Variants in NLRP12 observed in about 807,000 individuals in gnomAD.
The protein encoded by NLRP12 is NACHT, LRR and PYD domains-containing protein 12.
In NLRP12, 108 loss-of-function variants were observed where a neutral mutation model predicts 91.2. The observed-to-expected ratio is 1.18, with a 90% CI of 1.01 to 1.39. The LOEUF (loss-of-function observed/expected upper bound fraction) is 1.39, where lower values mean the gene tolerates loss of function less well. Among genes scored for constraint, NLRP12 ranks in the 40% most tolerant of loss-of-function variants. The pLI is 0.00. For synonymous variants in NLRP12, 613 were observed against 566.7 expected (o/e 1.08, Z -1.16); for missense variants, 1,530 against 1,352.7 (o/e 1.13, Z -2.06).
At position 53,793,973 on chromosome 19, in the gene NLRP12, T is replaced by C; in HGVS notation, c.*76A>G. ...TGTCTCTAGGAAGGAGGCTGATCATTATGCTGGGGGGGTGATGAGCACCCT... is the reference window on the plus strand; with the variant it reads ...TGTCTCTAGGAAGGAGGCTGATCATCATGCTGGGGGGGTGATGAGCACCCT... On this transcript the variant is annotated 3_prime_UTR_variant, in exon 10 of 10. Coordinates refer to ENST00000324134, the MANE Select transcript of NLRP12 (RefSeq NM_144687.4). The C allele has an allele frequency of 1.0e-6, 1 of 994,894 alleles. No individual in the cohort carries two copies. Among genetic ancestry groups the C allele is most frequent in the South Asian group, 1.3e-5 (1 of 78,386 alleles). The allele number at this position is 994,894 out of a possible 1,614,324, so 61.6% of individuals were successfully genotyped here.
At chr19:53,818,027 C>G (rs1477020930) in intron 1 of NLRP12, among the ~76,000 whole-genome samples, 1 of 151,844 alleles carries the variant, frequency 6.6e-6, no homozygotes, top group South Asian at 2.1e-4. Flanking sequence ...AAGTGATTCA[C>G]GTGCCTCAGC....
rs1397073933 is a variant in NLRP12, at chr19:53,801,220, G to T, written c.2756+7C>A. On this transcript the variant is annotated splice_region_variant and intron_variant, in intron 7 of 9. Transcript: ENST00000324134. Reference sequence around the variant, plus strand: ...ACTCCTAGCGTGGTGAGCAAAACGGGACTCACCGCAGGGTCTGGAGCTTGC... The same window carrying T: ...ACTCCTAGCGTGGTGAGCAAAACGGTACTCACCGCAGGGTCTGGAGCTTGC... 5 of 1,613,586 alleles carry T rather than the reference G, an allele frequency of 3.1e-6. No individual in the cohort carries two copies. Among genetic ancestry groups the T allele is most frequent in the Non-Finnish European group, 4.2e-6 (5 of 1,179,680 alleles).
chr19:53,823,443 G>GTTTTAAATATATATATTTAAAATATATT (rs2092294352), intron 1 of NLRP12, among the ~76,000 whole-genome samples: 1 of 104,176 alleles, frequency 9.6e-6, no homozygotes, highest in African/African-American at 3.8e-5. Flanking sequence ...TAAAATATAT[G>GTTTTAAATATATATATTTAAAATATATT]TTTTAAATAT....
intron 8 of NLRP12, 191 bp from the exon 9 acceptor site, chr19:53,796,220 C>T (rs1269126675): frequency 1.2e-5 from 8 of 640,148 alleles, no homozygotes; most frequent in Admixed American, 1.1e-4. Context: ...GTGTGCACCA[C>T]CACCAATTAG....
chr19:53,802,000 G>A (rs1416499746), intron 6 of NLRP12, among the ~76,000 whole-genome samples: 1 of 152,038 alleles, frequency 6.6e-6, no homozygotes, highest in East Asian at 2.0e-4. Flanking sequence ...GGCTGAGATG[G>A]GTGGATCACC....
At chr19:53,803,106 A>G (rs748611911) in intron 6 of NLRP12, among the ~76,000 whole-genome samples, 8 of 152,048 alleles carry the variant, frequency 5.3e-5, no homozygotes, top group Non-Finnish European at 8.8e-5. Context: ...ACCCGTGGAC[A>G]CAGAGGGCTG....
chr19:53,799,338 T>C (rs2091828433), intron 7 of NLRP12, among the ~76,000 whole-genome samples: 1 of 151,982 alleles, frequency 6.6e-6, no homozygotes, highest in South Asian at 2.1e-4. Context: ...TTTTTGTTTT[T>C]TGCTGGTGCC....
Position 53,794,013 on chromosome 19 carries a change from T to C in NLRP12, c.*36A>G. 1 of 1,438,520 alleles carries C rather than the reference T, an allele frequency of 7.0e-7. No individual in the cohort carries two copies. The highest frequency in any genetic ancestry group is 1.1e-5 in the South Asian group (1 of 87,462). 89.1% of individuals were successfully genotyped at this position (1,438,520 alleles called of 1,614,324 possible). A position where few individuals can be genotyped will look rare whatever the true frequency, so the allele number is the denominator to read the frequency against. On this transcript the variant is annotated 3_prime_UTR_variant, in exon 10 of 10. Transcript: ENST00000324134. ...ATGAGCACCCTCCCATCTTCCTCTGTCCAGATCTCAGGGGAGAGCCAGCAG... is the reference window on the plus strand; with the variant it reads ...ATGAGCACCCTCCCATCTTCCTCTGCCCAGATCTCAGGGGAGAGCCAGCAG...
chr19:53,805,687 T>C, intron 4 of NLRP12: 1 of 551,532 alleles, frequency 1.8e-6, no homozygotes, highest in Non-Finnish European at 3.4e-6. Context: ...CTGGCTCATT[T>C]TGGTATTTTT....
chr19:53,816,195 G>T (rs1460603715), intron 1 of NLRP12, among the ~76,000 whole-genome samples: 4 of 152,010 alleles, frequency 2.6e-5, no homozygotes, highest in Admixed American at 2.0e-4. Flanking sequence ...CACTCCATGA[G>T]AAAGTCTTCC....
chr19:53,806,410 A>G (rs993922589), intron 4 of NLRP12, among the ~76,000 whole-genome samples: 1 of 150,198 alleles, frequency 6.7e-6, no homozygotes, highest in Non-Finnish European at 1.5e-5. Flanking sequence ...GTGGCTGGGC[A>G]CGGTGGCTCA....
chr19:53,807,664 G>A lies in NLRP12; in HGVS notation c.2074C>T (p.Pro692Ser). Residue 692 changes from proline to serine, a missense_variant and splice_region_variant, in exon 4 of 10, where the codon CCA becomes TCA. By Grantham distance (74) the Pro-to-Ser change is moderately conservative. Transcript: ENST00000324134. ...AGAHTLLVQL[P>S]ERTVLLDAYS... ...GCGTCCAGCAGAACGGTCCTCTCTG[G>A]TCTGCTTGAAGGAAAGACAGGCCAC... The A allele has an allele frequency of 3.1e-6, 5 of 1,614,068 alleles. No homozygotes were observed. Among genetic ancestry groups the A allele is most frequent in the Non-Finnish European group, 4.2e-6 (5 of 1,180,002 alleles).
chr19:53,812,412 CA>C (rs59986011), intron 2 of NLRP12, among the ~76,000 whole-genome samples: 3,548 of 118,376 alleles, frequency 0.03, 35 homozygotes, highest in Non-Finnish European at 0.032. Flanking sequence ...GACTCTGCCT[CA>C]AAAAAAAAAA....
chr19:53,812,300 T>C (rs1038223359), intron 2 of NLRP12, among the ~76,000 whole-genome samples: 5 of 150,890 alleles, frequency 3.3e-5, no homozygotes, highest in Non-Finnish European at 7.4e-5. Flanking sequence ...CGCATACATA[T>C]CATGCAGCAA....
At chr19:53,807,014 G>GC (rs896231424) in intron 4 of NLRP12, among the ~76,000 whole-genome samples, 5 of 152,000 alleles carry the variant, frequency 3.3e-5, no homozygotes, top group South Asian at 2.1e-4. Flanking sequence ...ACTTCCAGCA[G>GC]CCCCCCACCT....
At position 53,819,624 on chromosome 19, in the gene NLRP12, T is replaced by TATACAC. The variant is rs1436214653; in HGVS notation, c.289+4261_289+4262insGTGTAT. Among the ~76,000 whole-genome samples the TATACAC allele has an allele frequency of 3.7e-3, 199 of 53,116 alleles. 26 individuals carry two copies. The highest frequency in any genetic ancestry group is 8.2e-3 in the Middle Eastern group (1 of 122). The allele number at this position is 53,116 out of a possible 152,430, so 34.8% of individuals were successfully genotyped here. A position where few individuals can be genotyped will look rare whatever the true frequency, so the allele number is the denominator to read the frequency against. On this transcript the variant is annotated intron_variant, in intron 1 of 9. Coordinates refer to ENST00000324134, the MANE Select transcript of NLRP12 (RefSeq NM_144687.4). ...GCATATATATGTATGTATACGTATA[T>TATACAC]ACGCGTATATATGTATGTATACGTA... is the stretch of plus-strand genomic sequence containing the variant.
intron 1 of NLRP12, among the ~76,000 whole-genome samples, chr19:53,817,276 A>C (rs1280898857): frequency 6.6e-6 from 1 of 152,080 alleles, no homozygotes; most frequent in Non-Finnish European, 1.5e-5. Context: ...TTAAAAATAC[A>C]AAAATGAGCC....
intron 7 of NLRP12, among the ~76,000 whole-genome samples, chr19:53,800,535 C>T (rs2091850450): frequency 6.6e-6 from 1 of 151,832 alleles, no homozygotes; most frequent in Non-Finnish European, 1.5e-5. Flanking sequence ...AGAAGGCATG[C>T]CAGGGAATAA....
chr19:53,812,131 C>CA (rs2092085927), intron 2 of NLRP12, among the ~76,000 whole-genome samples: 1 of 149,594 alleles, frequency 6.7e-6, no homozygotes, highest in Admixed American at 6.7e-5. Context: ...CAGTGCTTCT[C>CA]AAACTTTTTT....
Sources: gnomAD v4.1 joint callset for allele counts (sites outside exome capture counted in the v4.1 genomes callset) on GRCh38, gnomAD v4.1.1 for gene constraint, MANE v1.5 for transcripts, NCBI Gene and HGNC (gene_info 2026-07-23, HGNC 2026-07-21) for gene names.